ADAM9: variants seen among roughly 807,000 people sequenced by gnomAD.
ADAM9 encodes disintegrin and metalloproteinase domain-containing protein 9.
In ADAM9, 54 loss-of-function variants were observed where a neutral mutation model predicts 108.1. The ratio of observed to expected loss-of-function variants is 0.50; its 90% confidence interval spans 0.40 to 0.63. ADAM9 has a LOEUF of 0.63. Among genes scored for constraint, ADAM9 ranks in the 20% least tolerant of loss-of-function variants. The pLI, the probability that ADAM9 is intolerant of heterozygous loss-of-function variation, is 0.00. For missense variants in ADAM9, 830 were observed against 997.7 expected, an observed-to-expected ratio of 0.83 and a Z score of 2.26; for synonymous variants, 316 against 336.0, an observed-to-expected ratio of 0.94 and a Z score of 0.65.
At chr8:39,062,485 C>G (rs1226489187) in intron 14 of ADAM9, among the ~76,000 whole-genome samples, 1 of 152,148 alleles carries the variant, frequency 6.6e-6, no homozygotes. Flanking sequence ...TCTACTTAGA[C>G]AGAAACAGTG....
intron 14 of ADAM9, among the ~76,000 whole-genome samples, chr8:39,058,300 T>C (rs1838191144): frequency 6.6e-6 from 1 of 152,166 alleles, no homozygotes; most frequent in African/African-American, 2.4e-5. Context: ...CTGCAACTGG[T>C]CATGTGGTTG....
chr8:39,009,964 A>ACCCCC (rs550382857), intron 2 of ADAM9, among the ~76,000 whole-genome samples: 1 of 106,580 alleles, frequency 9.4e-6, no homozygotes, highest in Admixed American at 1.1e-4. Context: ...ACAAAAACAA[A>ACCCCC]CCCCCCCCCC....
At chr8:39,094,047 C>T (rs113340772) in intron 20 of ADAM9, among the ~76,000 whole-genome samples, 1,570 of 152,346 alleles carry the variant, frequency 0.01, 17 homozygotes, top group Non-Finnish European at 0.017. Context: ...GCTGGGATTA[C>T]AGGCGTGAGC....
At chr8:39,042,153 G>A in intron 12 of ADAM9, 36 bp downstream of exon 12, 1 of 1,611,838 alleles carries the variant, frequency 6.2e-7, no homozygotes, top group African/African-American at 1.3e-5. Flanking sequence ...TTGTAAAATT[G>A]CCATGATATT....
intron 5 of ADAM9, 54 bp from the exon 6 acceptor site, chr8:39,017,165 T>C: frequency 6.3e-7 from 1 of 1,590,578 alleles, no homozygotes; most frequent in Non-Finnish European, 8.6e-7. Flanking sequence ...GTTTTCTGAT[T>C]CCTTGTGTAT....
At position 39,069,247 on chromosome 8, in the gene ADAM9, T is replaced by TA. The variant is rs552305990; in HGVS notation, c.1592-2039dup. 7.5e-3 allele frequency among the ~76,000 whole-genome samples: 1,082 copies of TA among 144,696 alleles called. 3 individuals are homozygous for TA. Among genetic ancestry groups the TA allele is most frequent in the South Asian group, 0.03 (138 of 4,560 alleles). 94.9% of individuals were successfully genotyped at this position (144,696 alleles called of 152,430 possible). A position where few individuals can be genotyped will look rare whatever the true frequency, so the allele number is the denominator to read the frequency against. On this transcript the variant is annotated intron_variant, in intron 14 of 21. Transcript: ENST00000487273. ...TTCCATTGTCTGTGGGTTTATGAAT[T>TA]AAAAAAAAAAAACTACTTTCTGTGG...
chr8:39,067,109 A>C (rs1006036796), intron 14 of ADAM9, among the ~76,000 whole-genome samples: 1 of 152,082 alleles, frequency 6.6e-6, no homozygotes, highest in Non-Finnish European at 1.5e-5. Flanking sequence ...CCATTGGTCT[A>C]TATCTCTGTT....
intron 14 of ADAM9, among the ~76,000 whole-genome samples, chr8:39,062,207 G>A (rs1838321396): frequency 6.6e-6 from 1 of 152,142 alleles, no homozygotes; most frequent in Non-Finnish European, 1.5e-5. Flanking sequence ...CATTGCCCTG[G>A]TAAAAGCCAT....
intron 14 of ADAM9, among the ~76,000 whole-genome samples, chr8:39,068,659 G>C (rs1422945938): frequency 1.1e-5 from 1 of 91,096 alleles, no homozygotes; most frequent in Non-Finnish European, 2.0e-5. Flanking sequence ...CGAGTGACAA[G>C]AGTGAAACTT....
chr8:39,095,348 A>C (rs1054568241), intron 20 of ADAM9, among the ~76,000 whole-genome samples: 4 of 152,192 alleles, frequency 2.6e-5, no homozygotes, highest in African/African-American at 9.6e-5. Context: ...CGTGTTGCTT[A>C]AGTGTCAGCT....
chr8:39,071,229 A>G, intron 14 of ADAM9, 69 bp from the exon 15 acceptor site: 1 of 1,444,454 alleles, frequency 6.9e-7, no homozygotes, highest in Non-Finnish European at 9.6e-7. Context: ...TGTTGTAGGG[A>G]ATACTTTTAT....
intron 18 of ADAM9, among the ~76,000 whole-genome samples, chr8:39,086,334 T>G (rs1185930715): frequency 6.6e-6 from 1 of 152,152 alleles, no homozygotes; most frequent in Non-Finnish European, 1.5e-5. Flanking sequence ...TTTTTAAAAA[T>G]TATTCCTTAT....
Position 39,021,714 on chromosome 8 carries a change from T to C in ADAM9, c.744T>C (p.Ser248=), listed in dbSNP as rs762465360. The C allele has an allele frequency of 1.2e-6, 2 of 1,611,124 alleles. No homozygotes were observed. Among genetic ancestry groups the C allele is most frequent in the African/African-American group, 1.3e-5 (1 of 74,826 alleles). Residue 248 remains serine (S), a splice_region_variant and synonymous_variant, in exon 8 of 22, where the codon AGT becomes AGC. Transcript: ENST00000487273. ...EMILLANYLD[S]MYIMLNIRIV... ...TTCTCCTGGCAAACTACTTGGATAG[T>C]GTAAGTTGTATTTTCTATCAACCAG...
intron 11 of ADAM9, among the ~76,000 whole-genome samples, chr8:39,028,476 G>A (rs749612205): frequency 6.6e-6 from 1 of 152,144 alleles, no homozygotes; most frequent in African/African-American, 2.4e-5. Context: ...TGAGAAAGAC[G>A]TGAGTTCAGG....
In ADAM9 at chr8:39,079,907, C is replaced by T. The variant is rs1321388014; in HGVS notation, c.1881+2496C>T. Reference sequence around the variant, plus strand: ...GCCTTAAAATATCATGAAATTATATCAGTCTTATCTGTTTTGTCTTGGTTT... The same window carrying T: ...GCCTTAAAATATCATGAAATTATATTAGTCTTATCTGTTTTGTCTTGGTTT... On this transcript the variant is annotated intron_variant, in intron 16 of 21. Coordinates refer to ENST00000487273, the MANE Select transcript of ADAM9 (RefSeq NM_003816.3). 2.6e-5 allele frequency among the ~76,000 whole-genome samples: 4 copies of T among 152,298 alleles called. No individual in the cohort carries two copies. The East Asian group carries it at 5.8e-4, about 22-fold the overall frequency.
chr8:39,104,204 T>A lies in ADAM9; in HGVS notation c.*504T>A, dbSNP rs1839791583. 1 of 454,076 alleles carries A rather than the reference T, an allele frequency of 2.2e-6. No homozygotes were observed. Among genetic ancestry groups the A allele is most frequent in the South Asian group, 1.6e-5 (1 of 64,446 alleles). 28.1% of individuals were successfully genotyped at this position (454,076 alleles called of 1,614,324 possible). A position where few individuals can be genotyped will look rare whatever the true frequency, so the allele number is the denominator to read the frequency against. On this transcript the variant is annotated 3_prime_UTR_variant, in exon 22 of 22. Transcript: ENST00000487273. ...AATTAATAATCATCATACTCTAGAA[T>A]CTTGTCTGTCACTCACTACATGAAT...
At chr8:39,102,521 C>T (rs746171970) in intron 21 of ADAM9, among the ~76,000 whole-genome samples, 1 of 152,164 alleles carries the variant, frequency 6.6e-6, no homozygotes, top group Non-Finnish European at 1.5e-5. Context: ...GCAAACATCT[C>T]AGGGTCTGTG....
intron 14 of ADAM9, among the ~76,000 whole-genome samples, chr8:39,057,109 A>G (rs895842023): frequency 6.6e-6 from 1 of 152,138 alleles, no homozygotes; most frequent in Admixed American, 6.6e-5. Context: ...TAGTACAGTG[A>G]CATGGTGTAC....
intron 12 of ADAM9, among the ~76,000 whole-genome samples, chr8:39,045,140 ATG>A (rs1340697177): frequency 8.1e-5 from 8 of 98,508 alleles, no homozygotes; most frequent in Non-Finnish European, 1.6e-4. Context: ...ACATACATAT[ATG>A]TGTATATATG....
Sources: allele counts gnomAD v4.1 joint callset (sites outside exome capture counted in the v4.1 genomes callset), GRCh38; gene constraint gnomAD v4.1.1; transcripts MANE v1.5; gene names NCBI Gene and HGNC (gene_info 2026-07-23, HGNC 2026-07-21).